Variants in SLC26A4 observed in about 807,000 individuals in gnomAD.
SLC26A4 encodes solute carrier family 26 member 4.
Under a neutral mutation model 90.4 loss-of-function variants are expected in SLC26A4, and 93 were observed. The observed-to-expected ratio is 1.03, with a 90% CI of 0.87 to 1.22. The LOEUF (loss-of-function observed/expected upper bound fraction) is 1.22. Among genes scored for constraint, SLC26A4 ranks in the 50% most tolerant of loss-of-function variants. The pLI, the probability that SLC26A4 is intolerant of heterozygous loss-of-function variation, is 0.00. For missense variants in SLC26A4, 1,127 were observed against 946.2 expected (o/e 1.19, Z -2.51); for synonymous variants, 393 against 354.6 (o/e 1.11, Z -1.22).
At chr7:107,697,371 A>G (rs1791768893) in intron 13 of SLC26A4, among the ~76,000 whole-genome samples, 3 of 152,214 alleles carry the variant, frequency 2.0e-5, no homozygotes, top group South Asian at 4.1e-4. Flanking sequence ...TTTAATTTCC[A>G]GTAATTATCA....
chr7:107,715,428 G>A lies in SLC26A4; in HGVS notation c.2325G>A (p.Met775Ile). 6.2e-7 allele frequency: 1 copy of A among 1,613,516 alleles called. No homozygotes were observed. Among genetic ancestry groups the A allele is most frequent in the African/African-American group, 1.3e-5 (1 of 75,018 alleles). Reference sequence around the variant, plus strand: ...TTTTCCCCTTGCTTCCACAGGCTATGCGTACACTTGCATCCTGAAAGTGGG... The same window carrying A: ...TTTTCCCCTTGCTTCCACAGGCTATACGTACACTTGCATCCTGAAAGTGGG... ...EEELDVQDEA[M>I]RTLAS Residue 775 changes from methionine to isoleucine, a missense_variant, in exon 21 of 21, where the codon ATG (methionine) becomes ATA (isoleucine). Transcript: ENST00000644269.
chr7:107,681,740 T>C (rs1299572243), intron 6 of SLC26A4, among the ~76,000 whole-genome samples: 1 of 152,164 alleles, frequency 6.6e-6, no homozygotes, highest in African/African-American at 2.4e-5. Flanking sequence ...AGAAGTCTCC[T>C]ATTTACAAAA....
intron 5 of SLC26A4, among the ~76,000 whole-genome samples, chr7:107,674,626 C>T (rs1310581338): frequency 1.3e-5 from 2 of 152,084 alleles, no homozygotes; most frequent in African/African-American, 4.8e-5. Context: ...TACGGGAATC[C>T]ATAAAGGAGA....
chr7:107,695,806 C>T (rs1791722747), intron 12 of SLC26A4, 127 bp from the exon 13 acceptor site: 1 of 696,676 alleles, frequency 1.4e-6, no homozygotes, highest in Admixed American at 2.0e-5. Context: ...GAGTGTGACC[C>T]TATCTCAAAA....
Position 107,701,949 on chromosome 7 carries a change from T to G in SLC26A4, c.1926T>G (p.Ser642=). The G allele has an allele frequency of 6.2e-7, 1 of 1,613,540 alleles. No individual in the cohort carries two copies. The highest frequency in any genetic ancestry group is 8.5e-7 in the Non-Finnish European group (1 of 1,179,422). The change falls in exon 17 of 21, where the codon TCT becomes TCG. Residue 642 remains serine (S), a synonymous_variant. Transcript: ENST00000644269. The part of the protein sequence containing the change: ...KEIEIQVDWN[S]ELPVKVNVPK... Reference sequence around the variant, plus strand: ...TAGAGATTCAAGTGGATTGGAACTCTGAGCTTCCAGTCAAAGTGAACGTTC... The same window carrying G: ...TAGAGATTCAAGTGGATTGGAACTCGGAGCTTCCAGTCAAAGTGAACGTTC...
intron 8 of SLC26A4, among the ~76,000 whole-genome samples, chr7:107,687,979 A>G (rs1791465270): frequency 6.6e-6 from 1 of 152,158 alleles, no homozygotes; most frequent in African/African-American, 2.4e-5. Context: ...GGAGTCTGAA[A>G]ATTAACCTCA....
At chr7:107,688,997 G>C in intron 8 of SLC26A4, 56 bp from the exon 9 acceptor site, 1 of 1,592,352 alleles carries the variant, frequency 6.3e-7, no homozygotes. Flanking sequence ...TGATGAGATG[G>C]GGAAAAAGGA....
intron 6 of SLC26A4, among the ~76,000 whole-genome samples, chr7:107,677,568 G>GT (rs959835199): frequency 1.3e-5 from 2 of 151,276 alleles, no homozygotes; most frequent in East Asian, 1.9e-4. Context: ...TTCTTGATAT[G>GT]TTTTTTCCTG....
intron 6 of SLC26A4, among the ~76,000 whole-genome samples, chr7:107,679,899 CTTATA>C (rs1791142681): frequency 3.9e-5 from 3 of 76,900 alleles, no homozygotes; most frequent in Admixed American, 1.3e-4. Flanking sequence ...CTTATATAAT[CTTATA>C]TTATATGCTC....
intron 2 of SLC26A4, 37 bp from the exon 3 acceptor site, chr7:107,663,259 A>T (rs1790614435): frequency 6.2e-7 from 1 of 1,613,700 alleles, no homozygotes; most frequent in East Asian, 2.2e-5. Flanking sequence ...TGTGACTGAG[A>T]TTGGATTGAA....
At chr7:107,667,064 A>G (rs976004430) in intron 3 of SLC26A4, among the ~76,000 whole-genome samples, 8 of 152,192 alleles carry the variant, frequency 5.3e-5, no homozygotes, top group Admixed American at 4.6e-4. Flanking sequence ...TCATTACATC[A>G]TTTATCTAAA....
chr7:107,706,333 A>G (rs2129319202), intron 18 of SLC26A4, among the ~76,000 whole-genome samples: 1 of 152,290 alleles, frequency 6.6e-6, no homozygotes, highest in East Asian at 1.9e-4. Flanking sequence ...CTGTGAGCCC[A>G]GCTACTTGGG....
At chr7:107,693,559 A>C in intron 10 of SLC26A4, 4 of 985,130 alleles carry the variant, frequency 4.1e-6, no homozygotes, top group Non-Finnish European at 4.8e-6. Context: ...CAGAGCTTCT[A>C]ATCTTCATCT....
rs181030668 is a variant in SLC26A4, at chr7:107,710,240, T to A, written c.2235+41T>A. ...TTCTACAGATGTATCTTTTCTAAAC[T>A]ATCATGATTTCTATAAATGGCAAAC... On this transcript the variant is annotated intron_variant, in intron 19 of 20. Coordinates refer to ENST00000644269, the MANE Select transcript of SLC26A4 (RefSeq NM_000441.2). 65 of 1,397,800 alleles carry A rather than the reference T, an allele frequency of 4.7e-5. No homozygotes were observed. The African/African-American group carries it at 7.6e-4, about 16-fold the overall frequency. The allele number at this position is 1,397,800 out of a possible 1,614,324, so 86.6% of individuals were successfully genotyped here.
intron 3 of SLC26A4, among the ~76,000 whole-genome samples, chr7:107,663,856 T>C (rs899791497): frequency 2.0e-5 from 3 of 152,098 alleles, no homozygotes; most frequent in Non-Finnish European, 4.4e-5. Flanking sequence ...GCTAATTTTT[T>C]GTATTTTTAG....
rs539176504 is a variant in SLC26A4 at position 107,669,802 on chromosome 7, T to C, written c.305-2336T>C. On this transcript the variant is annotated intron_variant, in intron 3 of 20. Coordinates refer to ENST00000644269, the MANE Select transcript of SLC26A4 (RefSeq NM_000441.2). ...ACAAACTAGAAGTCTCCTCTGATCC[T>C]ACCATACAGATAACCCATTGATATT... is the stretch of plus-strand genomic sequence containing the variant. Among the ~76,000 whole-genome samples, 210 of 152,330 alleles carry C rather than the reference T, an allele frequency of 1.4e-3. 1 individual carries two copies. Among genetic ancestry groups the C allele is most frequent in the African/African-American group, 4.8e-3 (198 of 41,580 alleles).
At chr7:107,713,706 A>G (rs932308031) in intron 20 of SLC26A4, among the ~76,000 whole-genome samples, 1 of 152,174 alleles carries the variant, frequency 6.6e-6, no homozygotes, top group Non-Finnish European at 1.5e-5. Context: ...GTTTCCTTTC[A>G]TAATAGCAAC....
chr7:107,682,113 A>T (rs1791252767), intron 6 of SLC26A4, among the ~76,000 whole-genome samples: 1 of 141,310 alleles, frequency 7.1e-6, no homozygotes, highest in Non-Finnish European at 1.6e-5. Flanking sequence ...CTAAAAAAAA[A>T]AAAAAAAAAA....
At chr7:107,692,825 CA>C (rs1791611553) in intron 10 of SLC26A4, 1 of 152,142 alleles carries the variant, frequency 6.6e-6, no homozygotes. Flanking sequence ...GAGTTTCTCA[CA>C]AACAAGCCTT....
Sources: gnomAD v4.1 joint callset for allele counts (sites outside exome capture counted in the v4.1 genomes callset) on GRCh38, gnomAD v4.1.1 for gene constraint, MANE v1.5 for transcripts, NCBI Gene and HGNC (gene_info 2026-07-23, HGNC 2026-07-21) for gene names.